ANO5: variants seen among roughly 807,000 people sequenced by gnomAD.
ANO5 encodes anoctamin-5.
In ANO5, 109 loss-of-function variants were observed where a neutral mutation model predicts 121.0. That is an observed-to-expected ratio of 0.90 (90% CI 0.77 to 1.06). The LOEUF (loss-of-function observed/expected upper bound fraction) is 1.06. ANO5 is among the 50% of genes least tolerant of loss of function. The pLI, the probability that ANO5 is intolerant of heterozygous loss-of-function variation, is 0.00. For missense variants in ANO5, 1,064 were observed against 1,078.5 expected, an observed-to-expected ratio of 0.99 and a Z score of 0.19; for synonymous variants, 406 against 359.9, an observed-to-expected ratio of 1.13 and a Z score of -1.45.
In ANO5 at chr11:22,279,646, A is replaced by C. The variant is rs1131691364; in HGVS notation, c.2623A>C (p.Ile875Leu). 2.9e-5 allele frequency: 47 copies of C among 1,612,732 alleles called. No homozygotes were observed. Among genetic ancestry groups the C allele is most frequent in the Non-Finnish European group, 3.6e-5 (42 of 1,179,096 alleles). Residue 875 changes from isoleucine to leucine, a missense_variant, in exon 22 of 22, where the codon ATT (isoleucine) becomes CTT (leucine). Ile to Leu is a conservative substitution (Grantham distance 5). Transcript: ENST00000324559. ...GAGAGAAAAGTTAATGACTATCAAG[A>C]TTCTCCATGATTTTGAGCTCAACAA... ...IKREKLMTIKILHDFELNKLK... is the reference protein window; with the variant it reads ...IKREKLMTIKLLHDFELNKLK...
intron 1 of ANO5, among the ~76,000 whole-genome samples, chr11:22,196,633 G>T (rs144979074): frequency 3.9e-5 from 6 of 152,154 alleles, no homozygotes; most frequent in African/African-American, 1.4e-4. Flanking sequence ...CACTCTGGGA[G>T]GCCGAGGCAG....
In ANO5 at chr11:22,268,240, A is replaced by C. The variant is rs78035612; in HGVS notation, c.1899-2072A>C. ...AAAATAATTTGGCTTTTTCATTGAA[A>C]TTATATTTTAATTGTTTCAATATAA... On this transcript the variant is annotated intron_variant, in intron 17 of 21. Transcript: ENST00000324559. 8.8e-3 allele frequency among the ~76,000 whole-genome samples: 1,330 copies of C among 151,984 alleles called. 21 individuals are homozygous for C. Among genetic ancestry groups the C allele is most frequent in the African/African-American group, 0.031 (1,267 of 41,364 alleles).
chr11:22,266,960 G>T (rs7931070), intron 17 of ANO5, among the ~76,000 whole-genome samples: 19,770 of 152,102 alleles, frequency 0.13, 3,703 homozygotes, highest in African/African-American at 0.41. Context: ...TGGAAACCAC[G>T]GCTTTAGATG....
intron 14 of ANO5, among the ~76,000 whole-genome samples, chr11:22,259,119 C>T (rs142559744): frequency 0.015 from 1,967 of 135,292 alleles, 44 homozygotes; most frequent in African/African-American, 0.054. Context: ...GGCGACAGAG[C>T]GAGACTCTGT....
At chr11:22,212,343 G>A (rs1425437301) in intron 3 of ANO5, among the ~76,000 whole-genome samples, 2 of 151,786 alleles carry the variant, frequency 1.3e-5, no homozygotes, top group Non-Finnish European at 2.9e-5. Flanking sequence ...TGTCCTCTCA[G>A]TCTTTTTGTA....
intron 2 of ANO5, among the ~76,000 whole-genome samples, chr11:22,208,618 C>A (rs1253038817): frequency 1.3e-5 from 2 of 151,852 alleles, no homozygotes; most frequent in Non-Finnish European, 2.9e-5. Flanking sequence ...TGGCTCTTAC[C>A]CAATTGTACA....
chr11:22,212,610 T>C (rs1024829189), intron 3 of ANO5, among the ~76,000 whole-genome samples: 16 of 151,982 alleles, frequency 1.1e-4, no homozygotes, highest in Non-Finnish European at 2.4e-4. Flanking sequence ...TGTGTTGTTA[T>C]GCTTTTAGAT....
At chr11:22,206,326 G>A (rs572751931) in intron 2 of ANO5, among the ~76,000 whole-genome samples, 2 of 72,280 alleles carry the variant, frequency 2.8e-5, no homozygotes, top group African/African-American at 4.2e-5. Flanking sequence ...TTTTGTGTGC[G>A]TGTGGAAAGG....
chr11:22,216,820 T>C (rs779135207), intron 3 of ANO5, among the ~76,000 whole-genome samples: 2 of 151,898 alleles, frequency 1.3e-5, no homozygotes, highest in Non-Finnish European at 2.9e-5. Flanking sequence ...TTAGTTTTTA[T>C]GTTTAGGTCT....
intron 9 of ANO5, among the ~76,000 whole-genome samples, chr11:22,244,605 G>T (rs1853557462): frequency 6.9e-6 from 1 of 144,586 alleles, no homozygotes. Flanking sequence ...ACTTTTGTCT[G>T]GCTCAGTTGA....
chr11:22,194,923 AT>A (rs1278489924), intron 1 of ANO5, among the ~76,000 whole-genome samples: 1 of 152,204 alleles, frequency 6.6e-6, no homozygotes, highest in Non-Finnish European at 1.5e-5. Flanking sequence ...ATATGAACAT[AT>A]GCTTTTATTT....
chr11:22,235,883 A>G (rs1394760091), intron 7 of ANO5, among the ~76,000 whole-genome samples: 1 of 152,178 alleles, frequency 6.6e-6, no homozygotes, highest in Admixed American at 6.5e-5. Context: ...TCTGGCACAA[A>G]GAACTAAAGA....
Position 22,258,850 on chromosome 11 carries a change from A to G in ANO5, c.1408-669A>G, listed in dbSNP as rs74345178. 4.9e-3 allele frequency among the ~76,000 whole-genome samples: 742 copies of G among 152,214 alleles called. 5 individuals carry two copies. Among genetic ancestry groups the G allele is most frequent in the South Asian group, 0.022 (105 of 4,822 alleles). On this transcript the variant is annotated intron_variant, in intron 14 of 21. Transcript: ENST00000324559. ...TCTATAACCTTTAGAAATGCAAAAG[A>G]AGGCTGGGCGCAGTGGCTCACGCCT... is the stretch of plus-strand genomic sequence containing the variant.
chr11:22,270,393 C>A lies in ANO5; in HGVS notation c.1980C>A (p.Asp660Glu). 4 of 1,614,092 alleles carry A rather than the reference C, an allele frequency of 2.5e-6. No homozygotes were observed. The highest frequency in any genetic ancestry group is 3.4e-6 in the Non-Finnish European group (4 of 1,180,004). ...KLYSRWEQDH[D>E]LESFGPLGLF... ...ATAGTCGATGGGAGCAGGATCATGA[C>A]CTTGAAAGTTTTGGACCCCTTGGGC... The change falls in exon 18 of 22, where the codon GAC becomes GAA. Residue 660 changes from aspartate (D) to glutamate (E), a missense_variant. Physicochemically the swap from Asp to Glu is conservative, Grantham distance 45. Transcript: ENST00000324559.
At chr11:22,252,429 G>T (rs970735552) in intron 12 of ANO5, among the ~76,000 whole-genome samples, 14 of 152,178 alleles carry the variant, frequency 9.2e-5, no homozygotes, top group Non-Finnish European at 1.9e-4. Context: ...AAATAGAGGA[G>T]TGGGTGTGTG....
chr11:22,227,511 C>T lies in ANO5; in HGVS notation c.573C>T (p.Phe191=). 2.5e-6 allele frequency: 4 copies of T among 1,613,594 alleles called. No homozygotes were observed. Among genetic ancestry groups the T allele is most frequent in the Non-Finnish European group, 3.4e-6 (4 of 1,179,760 alleles). Residue 191 remains phenylalanine (F), a synonymous_variant, in exon 7 of 22, where the codon TTC becomes TTT. Coordinates refer to ENST00000324559, the MANE Select transcript of ANO5 (RefSeq NM_213599.3). ...ATCCTGAATATTTTACTGCACAATT[C>T]AGCAGACATCGGCAGGAGCTCTTCC... The part of the protein sequence containing the change: ...YPHPEYFTAQ[F]SRHRQELFLI...
At chr11:22,251,032 A>G (rs1384192064) in intron 12 of ANO5, 21 bp downstream of exon 12, 4 of 1,595,008 alleles carry the variant, frequency 2.5e-6, no homozygotes, top group African/African-American at 2.7e-5. Flanking sequence ...AGTCCCATAA[A>G]GAAACAGCTT....
chr11:22,236,243 T>G lies in ANO5; in HGVS notation c.729T>G (p.Ser243=). The change falls in exon 8 of 22, where the codon TCT becomes TCG. Residue 243 remains serine, a synonymous_variant. Coordinates refer to ENST00000324559, the MANE Select transcript of ANO5 (RefSeq NM_213599.3). The stretch of plus-strand genomic sequence containing the variant: ...TTGGGATTGAAAGACTGCTAAACTC[T>G]AACACTTACTCATCTGCCTATCCAC... ...KRFGIERLLN[S]NTYSSAYPLH... 6.2e-7 allele frequency: 1 copy of G among 1,613,134 alleles called. No homozygotes were observed. Among genetic ancestry groups the G allele is most frequent in the Non-Finnish European group, 8.5e-7 (1 of 1,179,336 alleles).
In ANO5 at chr11:22,280,740, A is replaced by C. The variant is rs765993463; in HGVS notation, c.*975A>C. On this transcript the variant is annotated 3_prime_UTR_variant, in exon 22 of 22. Transcript: ENST00000324559. ...TTTCTTTGCTTTAAAATAATTGCAA[A>C]TATTTTAATAAGTTTACAACCTTTT... 11 of 151,946 alleles carry C rather than the reference A, an allele frequency of 7.2e-5. No homozygotes were observed. Among genetic ancestry groups the C allele is most frequent in the Non-Finnish European group, 1.5e-4 (10 of 67,856 alleles). The allele number at this position is 151,946 out of a possible 1,614,324, so 9.4% of individuals were successfully genotyped here. A position where few individuals can be genotyped will look rare whatever the true frequency, so the allele number is the denominator to read the frequency against.
Sources: gnomAD v4.1 joint callset for allele counts (sites outside exome capture counted in the v4.1 genomes callset) on GRCh38, gnomAD v4.1.1 for gene constraint, MANE v1.5 for transcripts, NCBI Gene and HGNC (gene_info 2026-07-23, HGNC 2026-07-21) for gene names.